ZDHHC5: variants seen among roughly 807,000 people sequenced by gnomAD.
ZDHHC5 encodes palmitoyltransferase ZDHHC5.
Under a neutral mutation model 70.0 loss-of-function variants are expected in ZDHHC5, and 22 were observed. The ratio of observed to expected loss-of-function variants is 0.31; its 90% CI spans 0.22 to 0.45. The LOEUF is 0.45. Ranked by LOEUF, ZDHHC5 falls within the 20% of genes least tolerant of loss-of-function variation. The pLI is 1.00. For synonymous variants in ZDHHC5, 313 were observed against 347.8 expected (o/e 0.90, Z 1.11); for missense variants, 746 against 926.9 (o/e 0.80, Z 2.53).
At position 57,673,551 on chromosome 11, in the gene ZDHHC5, G is replaced by A. The variant is rs12277841; in HGVS notation, c.104+357G>A. On this transcript the variant is annotated intron_variant, in intron 2 of 11. Coordinates refer to ENST00000287169, the MANE Select transcript of ZDHHC5 (RefSeq NM_015457.3). Reference sequence around the variant, plus strand: ...GCAGTTTAAGCAGTCAATTCTATGAGAAAGAGAACTAGACTAGACTAAAGG... The same window carrying A: ...GCAGTTTAAGCAGTCAATTCTATGAAAAAGAGAACTAGACTAGACTAAAGG... Among the ~76,000 whole-genome samples, 1,151 of 152,306 alleles carry A rather than the reference G, an allele frequency of 7.6e-3. 24 individuals carry two copies. The highest frequency in any genetic ancestry group is 0.026 in the African/African-American group (1,096 of 41,560).
chr11:57,677,283 A>ATTTT (rs1170220902), intron 2 of ZDHHC5, among the ~76,000 whole-genome samples: 4 of 81,680 alleles, frequency 4.9e-5, no homozygotes, highest in Admixed American at 1.6e-4. Flanking sequence ...GCTTCACGTG[A>ATTTT]TTTTTTTTTT....
chr11:57,677,593 C>T (rs777734508), intron 2 of ZDHHC5, among the ~76,000 whole-genome samples: 1 of 152,060 alleles, frequency 6.6e-6, no homozygotes. Context: ...GGCCACTTCA[C>T]GTGATCTAAG....
intron 3 of ZDHHC5, among the ~76,000 whole-genome samples, chr11:57,682,765 T>G (rs890032690): frequency 6.6e-6 from 1 of 152,234 alleles, no homozygotes; most frequent in Non-Finnish European, 1.5e-5. Flanking sequence ...TTTAGGAATA[T>G]ATGTCATAAC....
chr11:57,678,570 C>CAA (rs34342337), intron 2 of ZDHHC5, among the ~76,000 whole-genome samples: 10,742 of 101,274 alleles, frequency 0.11, 652 homozygotes, highest in Admixed American at 0.16. Flanking sequence ...AACTCTGTCT[C>CAA]AAAAAAAAAA....
chr11:57,685,245 T>C (rs944563517), intron 3 of ZDHHC5, among the ~76,000 whole-genome samples: 1 of 152,244 alleles, frequency 6.6e-6, no homozygotes, highest in East Asian at 1.9e-4. Flanking sequence ...GAAAAGAACT[T>C]TGTGTCCCTA....
chr11:57,677,140 C>T (rs1488025034), intron 2 of ZDHHC5, among the ~76,000 whole-genome samples: 2 of 151,298 alleles, frequency 1.3e-5, no homozygotes, highest in African/African-American at 4.9e-5. Flanking sequence ...CCAGGATGGT[C>T]GTGATCTCCT....
In ZDHHC5 at chr11:57,699,672, T is replaced by C. The variant is rs2911725; in HGVS notation, c.1983-194T>C. Among the ~76,000 whole-genome samples the C allele has an allele frequency of 8.1e-3, 1,229 of 152,348 alleles. 21 individuals are homozygous for C. Among genetic ancestry groups the C allele is most frequent in the African/African-American group, 0.028 (1,183 of 41,588 alleles). On this transcript the variant is annotated intron_variant, in intron 11 of 11. Coordinates refer to ENST00000287169, the MANE Select transcript of ZDHHC5 (RefSeq NM_015457.3). ...AGTAAGTACATGTGATAGCTGTTAC[T>C]AGAGAGTAGTAGTACATAGGAGAGA...
At position 57,700,093 on chromosome 11, in the gene ZDHHC5, C is replaced by T; in HGVS notation, c.*62C>T. 3 of 1,504,656 alleles carry T rather than the reference C, an allele frequency of 2.0e-6. No individual in the cohort carries two copies. Among genetic ancestry groups the T allele is most frequent in the Non-Finnish European group, 2.7e-6 (3 of 1,128,530 alleles). 93.2% of individuals were successfully genotyped at this position (1,504,656 alleles called of 1,614,324 possible). A position where few individuals can be genotyped will look rare whatever the true frequency, so the allele number is the denominator to read the frequency against. Reference sequence around the variant, plus strand: ...TACACCAAAGGGCCCCAGGTGGCCACCTTCCTTCCCTCAAGGGGCTCCCCT... The same window carrying T: ...TACACCAAAGGGCCCCAGGTGGCCATCTTCCTTCCCTCAAGGGGCTCCCCT... On this transcript the variant is annotated 3_prime_UTR_variant, in exon 12 of 12. Coordinates refer to ENST00000287169, the MANE Select transcript of ZDHHC5 (RefSeq NM_015457.3).
At chr11:57,680,453 C>T (rs78538101) in intron 2 of ZDHHC5, among the ~76,000 whole-genome samples, 1,875 of 152,336 alleles carry the variant, frequency 0.012, 41 homozygotes, top group African/African-American at 0.043. Context: ...CTTGTTCTTA[C>T]TCTCATTAGT....
At chr11:57,679,746 A>G (rs1946124140) in intron 2 of ZDHHC5, among the ~76,000 whole-genome samples, 2 of 152,102 alleles carry the variant, frequency 1.3e-5, no homozygotes, top group Non-Finnish European at 1.5e-5. Flanking sequence ...GCAAAGTACC[A>G]TAGCAACGGA....
At chr11:57,696,905 C>T in intron 10 of ZDHHC5, 32 bp downstream of exon 10, 1 of 1,604,818 alleles carries the variant, frequency 6.2e-7, no homozygotes, top group Non-Finnish European at 8.5e-7. Flanking sequence ...GGGGTAATAA[C>T]ATGCCAACTG....
intron 3 of ZDHHC5, among the ~76,000 whole-genome samples, chr11:57,683,611 G>C (rs150362621): frequency 6.6e-6 from 1 of 152,310 alleles, no homozygotes; most frequent in East Asian, 1.9e-4. Flanking sequence ...TGATATACTT[G>C]AATCAGTCAG....
intron 2 of ZDHHC5, 60 bp downstream of exon 2, chr11:57,673,254 A>G (rs1159845875): frequency 6.5e-7 from 1 of 1,549,926 alleles, no homozygotes; most frequent in African/African-American, 1.4e-5. Flanking sequence ...AAGTGAGGAG[A>G]TAACGCTTTC....
chr11:57,675,660 G>C (rs1946062644), intron 2 of ZDHHC5, among the ~76,000 whole-genome samples: 1 of 152,128 alleles, frequency 6.6e-6, no homozygotes, highest in Non-Finnish European at 1.5e-5. Flanking sequence ...ATCTCCCCTA[G>C]TCACCTTGTG....
At chr11:57,676,908 G>GTTTTT (rs1421559800) in intron 2 of ZDHHC5, among the ~76,000 whole-genome samples, 3 of 111,864 alleles carry the variant, frequency 2.7e-5, no homozygotes, top group African/African-American at 1.2e-4. Context: ...TGCTTCACGT[G>GTTTTT]ATTTTTTTTT....
chr11:57,682,066 C>T (rs1282567877), intron 2 of ZDHHC5, among the ~76,000 whole-genome samples: 2 of 152,186 alleles, frequency 1.3e-5, no homozygotes, highest in Non-Finnish European at 2.9e-5. Flanking sequence ...GGGAGTGTAG[C>T]TGATATCATA....
At chr11:57,692,892 C>T in intron 7 of ZDHHC5, among the ~76,000 whole-genome samples, 190 bp downstream of exon 7, 1 of 152,130 alleles carries the variant, frequency 6.6e-6, no homozygotes, top group East Asian at 1.9e-4. Context: ...ACATGCCCAT[C>T]CTTTAGTGCA....
chr11:57,681,193 C>T (rs1946146178), intron 2 of ZDHHC5, among the ~76,000 whole-genome samples: 1 of 152,180 alleles, frequency 6.6e-6, no homozygotes, highest in Non-Finnish European at 1.5e-5. Flanking sequence ...CCAAACTGCT[C>T]TGAGTCAGTC....
chr11:57,698,565 C>A lies in ZDHHC5; in HGVS notation c.1129C>A (p.Arg377Ser). The A allele has an allele frequency of 6.2e-7, 1 of 1,602,646 alleles. No homozygotes were observed. Among genetic ancestry groups the A allele is most frequent in the South Asian group, 1.1e-5 (1 of 88,868 alleles). ...GCTTTACTTTCTTCCTCAGTTGAGT[C>A]GTGGGGACAGCTTGAAGGAGCCAAC... ...MPHSSSAKLS[R>S]GDSLKEPTSI... Residue 377 changes from arginine (R) to serine (S), a missense_variant, in exon 11 of 12, where the codon CGT becomes AGT. By Grantham distance (110) the Arg-to-Ser change is moderately radical. Coordinates refer to ENST00000287169, the MANE Select transcript of ZDHHC5 (RefSeq NM_015457.3).
Sources: gnomAD v4.1 joint callset for allele counts (sites outside exome capture counted in the v4.1 genomes callset) on GRCh38, gnomAD v4.1.1 for gene constraint, MANE v1.5 for transcripts, NCBI Gene and HGNC (gene_info 2026-07-23, HGNC 2026-07-21) for gene names.